CACNA1A: variants seen among roughly 807,000 people sequenced by gnomAD.
The protein encoded by CACNA1A is calcium voltage-gated channel subunit alpha1 A, also known as voltage-dependent P/Q-type calcium channel subunit alpha-1A.
CACNA1A carries 57 observed loss-of-function variants against 262.4 expected under a neutral mutation model. The ratio of observed to expected loss-of-function variants is 0.22; its 90% CI spans 0.18 to 0.27. CACNA1A has a LOEUF of 0.27. Ranked by LOEUF, CACNA1A falls within the 10% of genes least tolerant of loss-of-function variation. The pLI is 1.00. For synonymous variants in CACNA1A, 1,431 were observed against 1,419.3 expected (o/e 1.01, Z -0.18); for missense variants, 2,526 against 3,562.8 (o/e 0.71, Z 7.41).
At position 13,485,069 on chromosome 19, in the gene CACNA1A, G is replaced by A. The variant is rs943227066; in HGVS notation, c.293+20863C>T. ...TCAATAAATATTTGTGGCTTCAAAGGTTGAGTATAAAAACAGACCAGATGA... is the reference window on the plus strand; with the variant it reads ...TCAATAAATATTTGTGGCTTCAAAGATTGAGTATAAAAACAGACCAGATGA... On this transcript the variant is annotated intron_variant, in intron 1 of 46. Transcript: ENST00000360228. Among the ~76,000 whole-genome samples the A allele has an allele frequency of 2.0e-5, 3 of 152,242 alleles. No homozygotes were observed. The East Asian group carries it at 5.8e-4, about 29-fold the overall frequency.
At chr19:13,334,065 G>A (rs1302119660) in intron 8 of CACNA1A, 4 of 278,442 alleles carry the variant, frequency 1.4e-5, no homozygotes, top group Admixed American at 4.8e-5. Flanking sequence ...CACTACCATC[G>A]CCTCCATGTA....
intron 3 of CACNA1A, among the ~76,000 whole-genome samples, chr19:13,399,265 T>G (rs775651200): frequency 6.6e-6 from 1 of 152,036 alleles, no homozygotes; most frequent in Non-Finnish European, 1.5e-5. Context: ...TGATCAGGTT[T>G]TTCTCCTCCA....
chr19:13,237,368 G>A (rs1430818445), intron 31 of CACNA1A, among the ~76,000 whole-genome samples: 1 of 152,116 alleles, frequency 6.6e-6, no homozygotes, highest in African/African-American at 2.4e-5. Context: ...GATTTAACTT[G>A]GTCTAACCTT....
At chr19:13,275,042 A>G (rs1347130441) in intron 24 of CACNA1A, 3 of 151,496 alleles carry the variant, frequency 2.0e-5, no homozygotes, top group Non-Finnish European at 4.4e-5. Context: ...CTCAGGGGCC[A>G]TCTTGCAATG....
intron 3 of CACNA1A, among the ~76,000 whole-genome samples, chr19:13,444,913 G>A (rs534940033): frequency 6.6e-5 from 10 of 152,032 alleles, no homozygotes; most frequent in South Asian, 2.1e-4. Context: ...AGAGGTGGGC[G>A]GACCACCTGA....
rs566679936 is a variant in CACNA1A at position 13,347,589 on chromosome 19, C to T, written c.979-11680G>A. Reference sequence around the variant, plus strand: ...CGCGCTTTATCTGTCGTTACTTTCACGCTACAGGAGCAGATTGAGTCGTTG... The same window carrying T: ...CGCGCTTTATCTGTCGTTACTTTCATGCTACAGGAGCAGATTGAGTCGTTG... On this transcript the variant is annotated intron_variant, in intron 6 of 46. Transcript: ENST00000360228. Among the ~76,000 whole-genome samples, 9 of 152,322 alleles carry T rather than the reference C, an allele frequency of 5.9e-5. No homozygotes were observed. The South Asian group carries it at 1.7e-3, about 28-fold the overall frequency.
chr19:13,434,842 T>C (rs1368286611), intron 3 of CACNA1A, among the ~76,000 whole-genome samples: 1 of 152,078 alleles, frequency 6.6e-6, no homozygotes, highest in East Asian at 1.9e-4. Flanking sequence ...CAGGCTGGAG[T>C]GCAGTGGCAT....
chr19:13,413,353 G>A (rs576791101), intron 3 of CACNA1A, among the ~76,000 whole-genome samples: 31 of 151,058 alleles, frequency 2.1e-4, no homozygotes, highest in African/African-American at 3.6e-4. Flanking sequence ...TGATCCGCCC[G>A]CCTTGGCCTC....
Position 13,317,275 on chromosome 19 carries a change from G to A in CACNA1A, c.1392C>T (p.Asn464=). ...TCTCCTTTTTGTGAAAAAAGGTCGA[G>A]TTCTCCAGCTTGGCACTTTTAATGC... ...RASIKSAKLE[N]STFFHKKERR... Residue 464 remains asparagine (N), a synonymous_variant, in exon 11 of 47, where the codon AAC becomes AAT. Transcript: ENST00000360228. The A allele has an allele frequency of 1.2e-6, 2 of 1,612,796 alleles. No homozygotes were observed. The highest frequency in any genetic ancestry group is 1.7e-5 in the Admixed American group (1 of 60,004).
At chr19:13,456,757 T>C (rs1033574695) in intron 1 of CACNA1A, among the ~76,000 whole-genome samples, 1 of 152,110 alleles carries the variant, frequency 6.6e-6, no homozygotes, top group Admixed American at 6.5e-5. Context: ...GAGGCTGGAA[T>C]AGACATTTCT....
chr19:13,267,489 T>C (rs1439353267), intron 24 of CACNA1A, among the ~76,000 whole-genome samples: 2 of 152,076 alleles, frequency 1.3e-5, no homozygotes, highest in African/African-American at 4.8e-5. Context: ...TTACCAAAGG[T>C]GAATTCACCA....
chr19:13,224,966 C>G, intron 37 of CACNA1A, 194 bp from the exon 38 acceptor site: 1 of 542,388 alleles, frequency 1.8e-6, no homozygotes, highest in Non-Finnish European at 3.3e-6. Flanking sequence ...ACAAAAGGCT[C>G]TCTTGTACTT....
At chr19:13,368,243 G>T (rs2059252419) in intron 4 of CACNA1A, among the ~76,000 whole-genome samples, 1 of 152,116 alleles carries the variant, frequency 6.6e-6, no homozygotes, top group African/African-American at 2.4e-5. Flanking sequence ...TGAGTCTGGG[G>T]AGGTTGAGGC....
Position 13,242,660 on chromosome 19 carries a change from A to C in CACNA1A, c.4950+2522T>G, listed in dbSNP as rs185067740. On this transcript the variant is annotated intron_variant, in intron 31 of 46. Transcript: ENST00000360228. ...CTTAGAATGTCAGCTCTATGGGAGC[A>C]GACACTCTGTATTCTTGGTCTGTTT... Among the ~76,000 whole-genome samples the C allele has an allele frequency of 9.8e-3, 1,499 of 152,300 alleles. 31 individuals carry two copies. The highest frequency in any genetic ancestry group is 0.07 in the East Asian group (365 of 5,180).
intron 3 of CACNA1A, among the ~76,000 whole-genome samples, chr19:13,441,414 C>T (rs1338992652): frequency 6.6e-6 from 1 of 152,124 alleles, no homozygotes; most frequent in Non-Finnish European, 1.5e-5. Context: ...CAGCTGCAAT[C>T]CCAGCACTTT....
chr19:13,504,375 AC>A (rs1220485359), intron 1 of CACNA1A, among the ~76,000 whole-genome samples: 1 of 152,058 alleles, frequency 6.6e-6, no homozygotes. Flanking sequence ...CCTCAAAAGC[AC>A]CTCTGCTGAA....
intron 24 of CACNA1A, chr19:13,275,535 A>G: frequency 2.5e-6 from 1 of 395,102 alleles, no homozygotes. Context: ...GTGGAGTAGT[A>G]GGGGGATGAG....
intron 19 of CACNA1A, among the ~76,000 whole-genome samples, chr19:13,291,332 T>C (rs2057532962): frequency 6.6e-6 from 1 of 151,956 alleles, no homozygotes; most frequent in Non-Finnish European, 1.5e-5. Context: ...CCCCACCCCC[T>C]GTCCTAAGGA....
intron 19 of CACNA1A, among the ~76,000 whole-genome samples, chr19:13,294,850 C>T (rs1722109541): frequency 1.3e-5 from 2 of 152,148 alleles, no homozygotes; most frequent in South Asian, 4.1e-4. Context: ...CTTTATTCCA[C>T]CTAAACTCCC....
Sources: gnomAD v4.1 joint callset for allele counts (sites outside exome capture counted in the v4.1 genomes callset) on GRCh38, gnomAD v4.1.1 for gene constraint, MANE v1.5 for transcripts, NCBI Gene and HGNC (gene_info 2026-07-23, HGNC 2026-07-21) for gene names.